LIPN: variants seen among roughly 807,000 people sequenced by gnomAD.
LIPN encodes the protein lipase family member N, also known as lipase member N.
A neutral mutation model predicts 43.7 loss-of-function variants in LIPN; 32 were observed. That is an observed-to-expected ratio of 0.73 (90% CI 0.55 to 0.98). LIPN has a LOEUF of 0.98. Ranked by LOEUF, LIPN falls within the 50% of genes least tolerant of loss-of-function variation. The pLI is 0.00. For missense variants in LIPN, 505 were observed against 483.8 expected, an observed-to-expected ratio of 1.04 and a Z score of -0.41; for synonymous variants, 156 against 157.6, an observed-to-expected ratio of 0.99 and a Z score of 0.08.
chr10:88,757,296 G>A (rs1423313745), upstream of LIPN, among the ~76,000 whole-genome samples: 2 of 152,148 alleles, frequency 1.3e-5, no homozygotes, highest in African/African-American at 4.8e-5. Flanking sequence ...ATATTCAATG[G>A]TATGGCCCTT....
Position 88,763,652 on chromosome 10 carries a change from C to A in LIPN, c.227-758C>A, listed in dbSNP as rs189691195. ...AAGCCCAGGCATGCTGGCTCCAGAG[C>A]CTGTGCTCTTAGTCATTAAATTATA... On this transcript the variant is annotated intron_variant, in intron 3 of 9. Coordinates refer to ENST00000404459, the MANE Select transcript of LIPN (RefSeq NM_001102469.2). Among the ~76,000 whole-genome samples, 21 of 152,122 alleles carry A rather than the reference C, an allele frequency of 1.4e-4. No individual in the cohort carries two copies. In the South Asian group the frequency reaches 1.4e-3, roughly 11 times the overall value.
At chr10:88,764,986 C>A (rs1843069486) in intron 4 of LIPN, among the ~76,000 whole-genome samples, 1 of 151,580 alleles carries the variant, frequency 6.6e-6, no homozygotes, top group African/African-American at 2.4e-5. Flanking sequence ...AACTCTCTGA[C>A]CTCACAAAGC....
At chr10:88,769,484 T>A (rs1372086675) in intron 6 of LIPN, 1 of 572,100 alleles carries the variant, frequency 1.7e-6, no homozygotes, top group Non-Finnish European at 2.2e-6. Context: ...GGTTGCCAAT[T>A]GTGGATTTGG....
chr10:88,758,253 C>T (rs1385494120), upstream of LIPN, among the ~76,000 whole-genome samples: 1 of 151,638 alleles, frequency 6.6e-6, no homozygotes, highest in African/African-American at 2.4e-5. Context: ...GAGTAACCAT[C>T]ATTAAGCAGT....
At chr10:88,774,658 T>G (rs1843267025) in intron 8 of LIPN, 114 bp downstream of exon 8, 3 of 845,040 alleles carry the variant, frequency 3.6e-6, no homozygotes, top group Non-Finnish European at 5.8e-6. Context: ...TTGCTTCCAG[T>G]TTGTCCTTGC....
At chr10:88,770,722 T>G (rs1843190655) in intron 6 of LIPN, 123 bp from the exon 7 acceptor site, 1 of 563,504 alleles carries the variant, frequency 1.8e-6, no homozygotes, top group African/African-American at 1.9e-5. Flanking sequence ...TATTTGGGCT[T>G]GTTGTCCTTG....
At chr10:88,761,194 T>G (rs940472811) in intron 1 of LIPN, among the ~76,000 whole-genome samples, 1 of 152,122 alleles carries the variant, frequency 6.6e-6, no homozygotes, top group Non-Finnish European at 1.5e-5. Flanking sequence ...AGGAACTGGA[T>G]TATAATCAAG....
chr10:88,767,573 G>A (rs940221730), intron 5 of LIPN, among the ~76,000 whole-genome samples: 6 of 143,344 alleles, frequency 4.2e-5, no homozygotes, highest in African/African-American at 1.6e-4. Flanking sequence ...AAATGGTGTA[G>A]AGAAGAAGAA....
intron 5 of LIPN, among the ~76,000 whole-genome samples, chr10:88,767,709 T>A (rs1021880312): frequency 7.0e-6 from 1 of 141,968 alleles, no homozygotes; most frequent in African/African-American, 2.6e-5. Context: ...AGAATTTGAT[T>A]ATCTGTGCTC....
In LIPN at chr10:88,761,522, T is replaced by C. The variant is rs762422123; in HGVS notation, c.108+9T>C. 8.3e-6 allele frequency: 13 copies of C among 1,566,528 alleles called. No individual in the cohort carries two copies. Among genetic ancestry groups the C allele is most frequent in the African/African-American group, 2.7e-5 (2 of 73,874 alleles). On this transcript the variant is annotated intron_variant, in intron 2 of 9. Coordinates refer to ENST00000404459, the MANE Select transcript of LIPN (RefSeq NM_001102469.2). Reference sequence around the variant, plus strand: ...AGGTGTGGATGAATACTGTAAGTCATGGAAAACTGTGAAGAACATCAAATA... The same window carrying C: ...AGGTGTGGATGAATACTGTAAGTCACGGAAAACTGTGAAGAACATCAAATA...
intron 7 of LIPN, 122 bp downstream of exon 7, chr10:88,771,113 T>C (rs1340957484): frequency 1.4e-6 from 1 of 715,960 alleles, no homozygotes. Context: ...TAAAGACAGA[T>C]TTTTTTTTGC....
intron 2 of LIPN, 62 bp downstream of exon 2, chr10:88,761,575 C>T (rs878993813): frequency 6.2e-5 from 69 of 1,114,524 alleles, no homozygotes; most frequent in South Asian, 2.3e-4. Context: ...TATGAGGTTA[C>T]GAAAGGTCCT....
In LIPN at chr10:88,779,013, T is replaced by C. The variant is rs541059476; in HGVS notation, c.*771T>C. ...CATGAAAAACTGACAGATAGGAAAC[T>C]GACAATAAAAGATTGAGCTAAAGAT... On this transcript the variant is annotated 3_prime_UTR_variant, in exon 10 of 10. Transcript: ENST00000404459. 2.0e-5 allele frequency among the ~76,000 whole-genome samples: 3 copies of C among 152,130 alleles called. No homozygotes were observed. The highest frequency in any genetic ancestry group is 2.9e-5 in the Non-Finnish European group (2 of 68,010).
At chr10:88,777,894 T>C in intron 9 of LIPN, 115 bp from the exon 10 acceptor site, 1 of 618,024 alleles carries the variant, frequency 1.6e-6, no homozygotes, top group Non-Finnish European at 2.9e-6. Context: ...GTTTTCTTCA[T>C]ATGTTGCTGG....
rs186667116 is a variant in LIPN at position 88,771,989 on chromosome 10, G to A, written c.819+998G>A. Among the ~76,000 whole-genome samples the A allele has an allele frequency of 1.9e-3, 285 of 151,766 alleles. 2 individuals carry two copies. The highest frequency in any genetic ancestry group is 1.1e-3 in the Admixed American group (16 of 15,194). ...TAGTACTTCATTGTAGTTTTAGTTC[G>A]CATTTCTCTAATGATTAGTAATGTT... On this transcript the variant is annotated intron_variant, in intron 7 of 9. Transcript: ENST00000404459.
intron 5 of LIPN, among the ~76,000 whole-genome samples, chr10:88,768,277 C>T (rs1843145136): frequency 6.6e-6 from 1 of 151,742 alleles, no homozygotes; most frequent in Non-Finnish European, 1.5e-5. Flanking sequence ...AGGGAAGAGT[C>T]TAGAGGGTTG....
chr10:88,761,948 G>A (rs182636873), intron 2 of LIPN, among the ~76,000 whole-genome samples: 35 of 152,098 alleles, frequency 2.3e-4, no homozygotes, highest in African/African-American at 8.4e-4. Flanking sequence ...ATATAGCTTT[G>A]TCAGAAAGAA....
intron 7 of LIPN, among the ~76,000 whole-genome samples, chr10:88,772,522 A>C (rs982213419): frequency 1.3e-5 from 2 of 151,936 alleles, no homozygotes; most frequent in African/African-American, 4.8e-5. Flanking sequence ...TCCTTTGCCC[A>C]ATGTATGTTC....
chr10:88,774,603 C>T, intron 8 of LIPN, 59 bp downstream of exon 8: 1 of 1,394,600 alleles, frequency 7.2e-7, no homozygotes, highest in African/African-American at 1.4e-5. Flanking sequence ...TTTAAAAAGA[C>T]AGAATTGACC....
Sources: allele counts gnomAD v4.1 joint callset (sites outside exome capture counted in the v4.1 genomes callset), GRCh38; gene constraint gnomAD v4.1.1; transcripts MANE v1.5; gene names NCBI Gene and HGNC (gene_info 2026-07-23, HGNC 2026-07-21).